ACYP2: variants seen among roughly 807,000 people sequenced by gnomAD.
ACYP2 encodes acylphosphatase-2.
Under a neutral mutation model 11.2 loss-of-function variants are expected in ACYP2, and 12 were observed. The observed-to-expected ratio is 1.08, with a 90% CI of 0.69 to 1.74. ACYP2 has a LOEUF of 1.74. ACYP2 is among the 40% of genes most tolerant of loss of function. ACYP2 has a pLI of 0.00. For missense variants in ACYP2, 134 were observed against 101.9 expected, an observed-to-expected ratio of 1.31 and a Z score of -1.35; for synonymous variants, 43 against 32.2, an observed-to-expected ratio of 1.33 and a Z score of -1.13.
At chr2:54,194,340 C>A (rs370605314) in intron 6 of ACYP2, among the ~76,000 whole-genome samples, 2 of 152,112 alleles carry the variant, frequency 1.3e-5, no homozygotes, top group Non-Finnish European at 2.9e-5. Context: ...GCGCCCAGCC[C>A]CCATCAACAT....
At chr2:53,991,587 TAG>T (rs1488172640) in intron 2 of ACYP2, among the ~76,000 whole-genome samples, 2 of 151,940 alleles carry the variant, frequency 1.3e-5, no homozygotes, top group Admixed American at 6.6e-5. Flanking sequence ...GTATTTTTAG[TAG>T]AGACAGGGTT....
intron 3 of ACYP2, among the ~76,000 whole-genome samples, chr2:54,056,035 C>G (rs1676131286): frequency 6.6e-6 from 1 of 152,176 alleles, no homozygotes; most frequent in Non-Finnish European, 1.5e-5. Context: ...ATTATTTGCA[C>G]CAGGCTCCTA....
At chr2:54,284,899 G>C (rs1689012737) in intron 6 of ACYP2, among the ~76,000 whole-genome samples, 1 of 152,198 alleles carries the variant, frequency 6.6e-6, no homozygotes, top group African/African-American at 2.4e-5. Flanking sequence ...AGACTGTTGA[G>C]ACCCCCTTCT....
At chr2:54,117,660 C>A (rs765606961) in intron 4 of ACYP2, among the ~76,000 whole-genome samples, 5 of 152,114 alleles carry the variant, frequency 3.3e-5, no homozygotes, top group Non-Finnish European at 5.9e-5. Flanking sequence ...GTTGAATTAT[C>A]CTTGTATTTG....
chr2:54,130,879 C>G (rs1352478915), intron 4 of ACYP2, among the ~76,000 whole-genome samples: 3 of 152,162 alleles, frequency 2.0e-5, no homozygotes, highest in Non-Finnish European at 4.4e-5. Context: ...GAAGTCTCAG[C>G]TCTAAGACCT....
At chr2:53,990,130 C>A (rs1573459017) in intron 2 of ACYP2, among the ~76,000 whole-genome samples, 1 of 151,580 alleles carries the variant, frequency 6.6e-6, no homozygotes, top group Non-Finnish European at 1.5e-5. Context: ...AGGCATGCAC[C>A]ACTACACCTG....
At chr2:54,015,688 C>CACAA (rs1558473166) in intron 2 of ACYP2, among the ~76,000 whole-genome samples, 3 of 122,488 alleles carry the variant, frequency 2.4e-5, no homozygotes, top group African/African-American at 7.5e-5. Flanking sequence ...CACACACACA[C>CACAA]GGCAGAATCT....
intron 2 of ACYP2, among the ~76,000 whole-genome samples, chr2:54,041,388 G>C (rs963013089): frequency 6.6e-6 from 1 of 152,174 alleles, no homozygotes; most frequent in African/African-American, 2.4e-5. Flanking sequence ...TAGGAAGCAA[G>C]GGCATCAGAA....
intron 6 of ACYP2, among the ~76,000 whole-genome samples, chr2:54,219,302 C>G (rs1685683369): frequency 1.3e-5 from 2 of 151,232 alleles, no homozygotes; most frequent in African/African-American, 4.9e-5. Flanking sequence ...GTGAGAAGCA[C>G]TTTTTTTTTG....
chr2:54,278,931 C>G (rs1688729816), intron 6 of ACYP2, among the ~76,000 whole-genome samples: 1 of 152,118 alleles, frequency 6.6e-6, no homozygotes. Flanking sequence ...TTTGTCCAGT[C>G]ATGGAGCTCT....
chr2:54,233,146 TAA>T (rs1013982535), intron 6 of ACYP2, among the ~76,000 whole-genome samples: 10 of 152,136 alleles, frequency 6.6e-5, no homozygotes, highest in African/African-American at 2.4e-4. Flanking sequence ...ATTAATGTGA[TAA>T]GTTACACTCA....
At chr2:54,238,951 T>C (rs1403708734) in intron 6 of ACYP2, among the ~76,000 whole-genome samples, 5 of 151,788 alleles carry the variant, frequency 3.3e-5, no homozygotes, top group Admixed American at 2.0e-4. Context: ...CTTTATTGTG[T>C]AGATATTTAA....
At chr2:54,287,620 A>C (rs893383692) in intron 6 of ACYP2, among the ~76,000 whole-genome samples, 3 of 151,946 alleles carry the variant, frequency 2.0e-5, no homozygotes, top group African/African-American at 7.3e-5. Flanking sequence ...CACACACATA[A>C]AATGTCTGGC....
chr2:54,240,760 A>C (rs1480637227), intron 6 of ACYP2, among the ~76,000 whole-genome samples: 1 of 152,162 alleles, frequency 6.6e-6, no homozygotes, highest in Non-Finnish European at 1.5e-5. Context: ...AGAGTCAGGA[A>C]ACTTGGGGCC....
At chr2:54,184,785 G>T (rs1424814673) in intron 6 of ACYP2, among the ~76,000 whole-genome samples, 4 of 151,072 alleles carry the variant, frequency 2.6e-5, no homozygotes, top group African/African-American at 9.7e-5. Flanking sequence ...TGTTTTAGAA[G>T]AAAAGACTCC....
chr2:54,186,203 C>G (rs1303708390), intron 6 of ACYP2, among the ~76,000 whole-genome samples: 2 of 151,950 alleles, frequency 1.3e-5, no homozygotes, highest in East Asian at 3.9e-4. Context: ...AGTAATTGTT[C>G]GCTTTAAAAT....
chr2:54,187,377 C>T (rs948399353), intron 6 of ACYP2, among the ~76,000 whole-genome samples: 13 of 152,228 alleles, frequency 8.5e-5, no homozygotes, highest in African/African-American at 2.6e-4. Flanking sequence ...TGGTGTAGTC[C>T]GCACATCTTG....
chr2:54,069,698 A>G (rs772939018), intron 4 of ACYP2, among the ~76,000 whole-genome samples: 2 of 152,016 alleles, frequency 1.3e-5, no homozygotes, highest in Non-Finnish European at 2.9e-5. Context: ...AAACAAAACA[A>G]AGCAAAATAC....
intron 4 of ACYP2, among the ~76,000 whole-genome samples, chr2:54,101,060 T>C (rs954163944): frequency 2.0e-5 from 3 of 152,140 alleles, no homozygotes; most frequent in Non-Finnish European, 4.4e-5. Flanking sequence ...GTTGCCCCCA[T>C]AGTGCTCACC....
Sources: gnomAD v4.1 joint callset for allele counts (sites outside exome capture counted in the v4.1 genomes callset) on GRCh38, gnomAD v4.1.1 for gene constraint, MANE v1.5 for transcripts, NCBI Gene and HGNC (gene_info 2026-07-23, HGNC 2026-07-21) for gene names.